Variants in LRRC37A2 observed in about 807,000 individuals in gnomAD.
The protein encoded by LRRC37A2 is leucine rich repeat containing 37 member A2, also known as leucine-rich repeat-containing protein 37A2.
A neutral mutation model predicts 68.8 loss-of-function variants in LRRC37A2; 9 were observed. That is an observed-to-expected ratio of 0.13 (90% CI 0.08 to 0.23). LRRC37A2 has a LOEUF of 0.23. Ranked by LOEUF, LRRC37A2 falls within the 10% of genes least tolerant of loss-of-function variation. The pLI, the probability that LRRC37A2 is intolerant of heterozygous loss-of-function variation, is 1.00. For synonymous variants in LRRC37A2, 63 were observed against 367.6 expected (o/e 0.17, Z 9.48); for missense variants, 168 against 950.4 (o/e 0.18, Z 10.82).
chr17:46,771,108 C>T, the LRRC37A2 span, among the ~76,000 whole-genome samples: 5 of 152,366 alleles, frequency 3.3e-5, no homozygotes, highest in Non-Finnish European at 5.9e-5. Flanking sequence ...CGGGACCCCT[C>T]TTGGCTCCCG....
the LRRC37A2 span, chr17:46,722,157 G>A: frequency 1.9e-6 from 3 of 1,611,652 alleles, no homozygotes; most frequent in South Asian, 2.2e-5. Flanking sequence ...CTTGGCGCTC[G>A]AACTGAACAT....
the LRRC37A2 span, among the ~76,000 whole-genome samples, chr17:47,033,120 G>A: frequency 6.7e-6 from 1 of 149,310 alleles, no homozygotes; most frequent in Non-Finnish European, 1.5e-5. Context: ...TGAAGGCTGA[G>A]GCAGGAGAAT....
At chr17:46,818,398 C>T in the LRRC37A2 span, 1 of 918,392 alleles carries the variant, frequency 1.1e-6, no homozygotes, top group Non-Finnish European at 1.6e-6. Context: ...GGGTGGGGGG[C>T]TGGAGGGAGG....
chr17:46,548,790 C>T (rs201177598), exon 10 of LRRC37A2: 656 of 1,609,536 alleles, frequency 4.1e-4, no homozygotes, highest in Non-Finnish European at 1.3e-4. Flanking sequence ...TGGAACAGCC[C>T]CACACACAGC....
At chr17:46,872,560 A>G in the LRRC37A2 span, 1 of 1,587,274 alleles carries the variant, frequency 6.3e-7, no homozygotes, top group Non-Finnish European at 8.6e-7. Context: ...AGGATTGGGC[A>G]CTGCGGCAGC....
the LRRC37A2 span, chr17:46,755,462 T>C: frequency 9.3e-7 from 1 of 1,080,834 alleles, no homozygotes. Flanking sequence ...CTAGATAAGT[T>C]TGTTTCCATT....
the LRRC37A2 span, chr17:46,763,889 G>A: frequency 6.7e-6 from 1 of 149,302 alleles, no homozygotes; most frequent in South Asian, 2.1e-4. Context: ...GGAAACTGCA[G>A]AATGGTAGAA....
chr17:47,019,043 C>T, the LRRC37A2 span: 1 of 1,421,788 alleles, frequency 7.0e-7, no homozygotes. Context: ...GACTTACCAT[C>T]ACTCCAGAAC....
At chr17:46,901,176 T>A in the LRRC37A2 span, among the ~76,000 whole-genome samples, 5 of 152,054 alleles carry the variant, frequency 3.3e-5, no homozygotes, top group African/African-American at 1.2e-4. Context: ...TATTATTATT[T>A]TTTTAGATGG....
At chr17:46,884,346 G>A in the LRRC37A2 span, among the ~76,000 whole-genome samples, 64 of 152,228 alleles carry the variant, frequency 4.2e-4, 1 homozygote, top group East Asian at 1.9e-3. Context: ...TCAGAGCTGC[G>A]CAGGTGTTGC....
At chr17:46,802,351 C>T in the LRRC37A2 span, among the ~76,000 whole-genome samples, 3 of 152,158 alleles carry the variant, frequency 2.0e-5, no homozygotes, top group East Asian at 1.9e-4. Context: ...CTGCAACCTC[C>T]GCCTCCTGGG....
chr17:46,709,551 G>A, the LRRC37A2 span, among the ~76,000 whole-genome samples: 2 of 151,590 alleles, frequency 1.3e-5, no homozygotes, highest in Non-Finnish European at 2.9e-5. Flanking sequence ...CTGGAGTGCA[G>A]TGGCGTGATC....
At chr17:47,000,020 A>AAAT in the LRRC37A2 span, among the ~76,000 whole-genome samples, 3 of 11,480 alleles carry the variant, frequency 2.6e-4, no homozygotes, top group Admixed American at 1.7e-3. Flanking sequence ...AAATAAAATA[A>AAAT]AATAAAATAA....
the LRRC37A2 span, among the ~76,000 whole-genome samples, chr17:46,718,800 A>G: frequency 9.2e-5 from 14 of 152,224 alleles, no homozygotes; most frequent in Non-Finnish European, 1.8e-4. Context: ...AAAGTGTCAC[A>G]GTGCCTGGGA....
the LRRC37A2 span, among the ~76,000 whole-genome samples, chr17:46,502,495 T>G: frequency 4.0e-4 from 60 of 150,678 alleles, no homozygotes; most frequent in Admixed American, 2.8e-3. Context: ...AGAGACAGGG[T>G]TTCACCATAT....
At chr17:46,992,777 T>C in the LRRC37A2 span, among the ~76,000 whole-genome samples, 17 of 133,798 alleles carry the variant, frequency 1.3e-4, no homozygotes, top group African/African-American at 4.8e-4. Context: ...CGTTTGAACC[T>C]GGGAGATAGA....
At chr17:46,851,666 G>GC in the LRRC37A2 span, 2 of 1,304,062 alleles carry the variant, frequency 1.5e-6, no homozygotes, top group Non-Finnish European at 1.9e-6. The surrounding 1 kb of genome is among the most constrained non-coding windows in gnomAD (Gnocchi z 4.3). Context: ...GCTGGCCCTG[G>GC]CCGGGCTCTG....
the LRRC37A2 span, among the ~76,000 whole-genome samples, chr17:46,822,867 G>A: frequency 6.6e-6 from 1 of 151,832 alleles, no homozygotes; most frequent in African/African-American, 2.4e-5. Context: ...AGCGGCAGGC[G>A]GATGTCACCA....
the LRRC37A2 span, chr17:47,019,665 T>C: frequency 7.1e-7 from 1 of 1,402,076 alleles, no homozygotes; most frequent in Non-Finnish European, 1.0e-6. Flanking sequence ...ACAGAAGGCC[T>C]CCACAAGCAC....
Sources: gnomAD v4.1 joint callset for allele counts (sites outside exome capture counted in the v4.1 genomes callset) on GRCh38, gnomAD v4.1.1 for gene constraint, Gnocchi (gnomAD v3.1) non-coding constraint, MANE v1.5 for transcripts, NCBI Gene and HGNC (gene_info 2026-07-23, HGNC 2026-07-21) for gene names.